GSR: variants seen among roughly 807,000 people sequenced by gnomAD.
The protein encoded by GSR is glutathione reductase, mitochondrial.
GSR carries 48 observed loss-of-function variants against 56.5 expected under a neutral mutation model. The observed-to-expected ratio is 0.85, with a 90% CI of 0.67 to 1.08. The LOEUF (loss-of-function observed/expected upper bound fraction) is 1.08. Ranked by LOEUF, GSR falls within the 50% of genes least tolerant of loss-of-function variation. The pLI is 0.00. For missense variants in GSR, 694 were observed against 703.3 expected (o/e 0.99, Z 0.15); for synonymous variants, 264 against 270.8 (o/e 0.97, Z 0.25).
At position 30,727,611 on chromosome 8, in the gene GSR, GCCCGA is replaced by G. The variant is rs1414738450; in HGVS notation, c.220_224del (p.Ser74ArgfsTer46). ...CCGCCCTGCGCGCGCTGGCCAGCCC[GCCCGA>G]GCCGCCCCCGATCACCAGGTAGTCA... On this transcript the variant is annotated frameshift_variant, in exon 1 of 13. Coordinates refer to ENST00000221130, the MANE Select transcript of GSR (RefSeq NM_000637.5). LOFTEE classifies it high-confidence loss of function. The G allele has an allele frequency of 6.6e-7, 1 of 1,513,048 alleles. No individual in the cohort carries two copies. Among genetic ancestry groups the G allele is most frequent in the Non-Finnish European group, 8.8e-7 (1 of 1,136,908 alleles). The allele number at this position is 1,513,048 out of a possible 1,614,324, so 93.7% of individuals were successfully genotyped here. A position where few individuals can be genotyped will look rare whatever the true frequency, so the allele number is the denominator to read the frequency against.
chr8:30,679,583 T>C lies in GSR; in HGVS notation c.1506A>G (p.Ala502=), dbSNP rs1802871367. 2 of 1,614,022 alleles carry C rather than the reference T, an allele frequency of 1.2e-6. No individual in the cohort carries two copies. Among genetic ancestry groups the C allele is most frequent in the South Asian group, 2.2e-5 (2 of 91,086 alleles). Reference sequence around the variant, plus strand: ...GAATGGCGACTGTGTTGTCAAAGTCTGCCTTCGTTGCTCCCATCTTCACTG... The same window carrying C: ...GAATGGCGACTGTGTTGTCAAAGTCCGCCTTCGTTGCTCCCATCTTCACTG... The part of the protein sequence containing the change: ...AVAVKMGATK[A]DFDNTVAIHP... Residue 502 remains alanine (A), a synonymous_variant, in exon 13 of 13, where the codon GCA becomes GCG. Coordinates refer to ENST00000221130, the MANE Select transcript of GSR (RefSeq NM_000637.5).
intron 4 of GSR, among the ~76,000 whole-genome samples, 200 bp from the exon 5 acceptor site, chr8:30,703,440 G>A (rs1487647950): frequency 2.6e-5 from 4 of 152,028 alleles, no homozygotes; most frequent in Non-Finnish European, 4.4e-5. Flanking sequence ...ATTAGTTGCC[G>A]GAAGTATACA....
chr8:30,700,886 A>G (rs1803714881), intron 5 of GSR, among the ~76,000 whole-genome samples: 2 of 152,198 alleles, frequency 1.3e-5, no homozygotes, highest in South Asian at 4.1e-4. Flanking sequence ...CTTTGGATAT[A>G]GGATAGCAGG....
At chr8:30,703,018 C>T in intron 5 of GSR, 75 bp downstream of exon 5, 1 of 1,479,278 alleles carries the variant, frequency 6.8e-7, no homozygotes. Flanking sequence ...GGCAGATCCC[C>T]TGGCATGGCT....
At chr8:30,702,189 G>A (rs1037381502) in intron 5 of GSR, among the ~76,000 whole-genome samples, 6 of 151,654 alleles carry the variant, frequency 4.0e-5, no homozygotes, top group African/African-American at 4.8e-5. Flanking sequence ...GCGTGGTGGC[G>A]GACACCTGTA....
chr8:30,689,810 A>C (rs1390666145), intron 8 of GSR, among the ~76,000 whole-genome samples: 1 of 143,520 alleles, frequency 7.0e-6, no homozygotes, highest in East Asian at 2.0e-4. Context: ...TTTATATATA[A>C]ATATATTTAT....
chr8:30,679,892 A>G (rs1802885006), intron 12 of GSR, among the ~76,000 whole-genome samples: 1 of 151,766 alleles, frequency 6.6e-6, no homozygotes, highest in Admixed American at 6.6e-5. Context: ...TTTAGCAGAG[A>G]GAGGGTTTCA....
intron 4 of GSR, chr8:30,706,910 G>C (rs1406431342): frequency 1.3e-5 from 2 of 152,198 alleles, no homozygotes; most frequent in African/African-American, 4.8e-5. Flanking sequence ...GCCGAGGTGG[G>C]CAAATCACTT....
chr8:30,721,150 AGAAG>A lies in GSR; in HGVS notation c.306+6376_306+6379del, dbSNP rs1219624650. Among the ~76,000 whole-genome samples the A allele has an allele frequency of 9.5e-5, 5 of 52,500 alleles. No individual in the cohort carries two copies. In the East Asian group the frequency reaches 5.3e-3, roughly 56 times the overall value. The allele number at this position is 52,500 out of a possible 152,430, so 34.4% of individuals were successfully genotyped here. A position where few individuals can be genotyped will look rare whatever the true frequency, so the allele number is the denominator to read the frequency against. On this transcript the variant is annotated intron_variant, in intron 1 of 12. Coordinates refer to ENST00000221130, the MANE Select transcript of GSR (RefSeq NM_000637.5). The stretch of plus-strand genomic sequence containing the variant: ...TAATTGTTACGGGCATCCGGGGAGA[AGAAG>A]AAAGAGTTTTGTGAGACAACTCTTC...
At chr8:30,680,022 T>A (rs1802888441) in intron 12 of GSR, among the ~76,000 whole-genome samples, 1 of 152,126 alleles carries the variant, frequency 6.6e-6, no homozygotes, top group East Asian at 1.9e-4. Flanking sequence ...TGATCTTAAT[T>A]GAACTTATAA....
intron 7 of GSR, 138 bp downstream of exon 7, chr8:30,696,242 G>A: frequency 1.4e-6 from 1 of 730,938 alleles, no homozygotes; most frequent in Non-Finnish European, 2.5e-6. Context: ...CAGGTAACTT[G>A]GATACAGCAC....
In GSR at chr8:30,727,550, G is replaced by T; in HGVS notation, c.286C>A (p.His96Asn). ...CTCACGCAAGTGCCACCCAGCTTGT[G>T]GCTCTCCACCACGGCGGCCCTGGCA... is the stretch of plus-strand genomic sequence containing the variant. ...LGARAAVVES[H>N]KLGGTCVNVG... is the part of the protein sequence containing the mutation. Residue 96 changes from histidine to asparagine, a missense_variant, in exon 1 of 13, where the codon CAC becomes AAC. Coordinates refer to ENST00000221130, the MANE Select transcript of GSR (RefSeq NM_000637.5). The T allele has an allele frequency of 6.5e-7, 1 of 1,537,002 alleles. No homozygotes were observed. The highest frequency in any genetic ancestry group is 1.2e-5 in the South Asian group (1 of 83,588).
At chr8:30,711,829 G>C (rs557678773) in intron 2 of GSR, among the ~76,000 whole-genome samples, 1 of 151,238 alleles carries the variant, frequency 6.6e-6, no homozygotes, top group Non-Finnish European at 1.5e-5. Context: ...ACGAAACTCC[G>C]TCTCAAAAAA....
intron 11 of GSR, among the ~76,000 whole-genome samples, chr8:30,681,572 G>T (rs1220154948): frequency 1.3e-5 from 2 of 151,974 alleles, no homozygotes; most frequent in African/African-American, 4.8e-5. Context: ...GTAAGGGCCA[G>T]TTCTTAGGAA....
chr8:30,727,538 C>T lies in GSR; in HGVS notation c.298G>A (p.Gly100Ser). The stretch of plus-strand genomic sequence containing the variant: ...AAACCGGCGGTACTCACGCAAGTGC[C>T]ACCCAGCTTGTGGCTCTCCACCACG... ...AAVVESHKLG[G>S]TCVNVGCVPK... is the part of the protein sequence containing the mutation. The change falls in exon 1 of 13, where the codon GGC (glycine) becomes AGC (serine). Residue 100 changes from glycine to serine, a missense_variant. Transcript: ENST00000221130. 1 of 1,537,550 alleles carries T rather than the reference C, an allele frequency of 6.5e-7. No individual in the cohort carries two copies. The highest frequency in any genetic ancestry group is 2.5e-5 in the East Asian group (1 of 40,546).
chr8:30,703,299 C>A lies in GSR; in HGVS notation c.493-59G>T, dbSNP rs1413356549. On this transcript the variant is annotated intron_variant, in intron 4 of 12. Coordinates refer to ENST00000221130, the MANE Select transcript of GSR (RefSeq NM_000637.5). ...AGAATAAAAACAAAGACACCTACTG[C>A]AACTTATCAGAACTTTCATTTCTCT... 3.5e-6 allele frequency: 5 copies of A among 1,424,996 alleles called. No individual in the cohort carries two copies. The African/African-American group carries it at 5.6e-5, about 16-fold the overall frequency. The allele number at this position is 1,424,996 out of a possible 1,614,324, so 88.3% of individuals were successfully genotyped here. A position where few individuals can be genotyped will look rare whatever the true frequency, so the allele number is the denominator to read the frequency against.
At position 30,720,661 on chromosome 8, in the gene GSR, G is replaced by T. The variant is rs1804503238; in HGVS notation, c.306+6869C>A. Among the ~76,000 whole-genome samples the T allele has an allele frequency of 5.4e-5, 3 of 55,426 alleles. No homozygotes were observed. The Admixed American group carries it at 6.3e-4, about 12-fold the overall frequency. The allele number at this position is 55,426 out of a possible 152,430, so 36.4% of individuals were successfully genotyped here. On this transcript the variant is annotated intron_variant, in intron 1 of 12. Transcript: ENST00000221130. ...GTTAGTTCAGGGAGGCATCAAACTTGAGAAAAAGAGAAAAAAAAAAGCAGT... is the reference window on the plus strand; with the variant it reads ...GTTAGTTCAGGGAGGCATCAAACTTTAGAAAAAGAGAAAAAAAAAAGCAGT...
intron 9 of GSR, among the ~76,000 whole-genome samples, chr8:30,688,576 C>T (rs1803242028): frequency 2.4e-5 from 1 of 41,922 alleles, no homozygotes; most frequent in Non-Finnish European, 4.4e-5. Flanking sequence ...AAGACCCTGT[C>T]TCAAAAAAAA....
intron 4 of GSR, among the ~76,000 whole-genome samples, chr8:30,705,557 C>T (rs1038860508): frequency 6.6e-6 from 1 of 151,994 alleles, no homozygotes; most frequent in Non-Finnish European, 1.5e-5. Context: ...CCACCGCGCC[C>T]GGCCTCTACA....
Sources: allele counts gnomAD v4.1 joint callset (sites outside exome capture counted in the v4.1 genomes callset), GRCh38; gene constraint gnomAD v4.1.1; transcripts MANE v1.5; gene names NCBI Gene and HGNC (gene_info 2026-07-23, HGNC 2026-07-21).